ADAMTS17: variants seen among roughly 807,000 people sequenced by gnomAD.
ADAMTS17 encodes ADAM metallopeptidase with thrombospondin type 1 motif 17.
In ADAMTS17, 113 loss-of-function variants were observed where a neutral mutation model predicts 141.5. The observed-to-expected ratio is 0.80, with a 90% confidence interval of 0.69 to 0.93. The LOEUF (loss-of-function observed/expected upper bound fraction) is 0.93, where lower values mean the gene tolerates loss of function less well. ADAMTS17 is among the 40% of genes least tolerant of loss of function. ADAMTS17 has a pLI of 0.00. For missense variants in ADAMTS17, 1,659 were observed against 1,517.9 expected (o/e 1.09, Z -1.54); for synonymous variants, 768 against 630.6 (o/e 1.22, Z -3.27).
chr15:100,070,562 C>G (rs1440823446), intron 15 of ADAMTS17, among the ~76,000 whole-genome samples: 1 of 150,098 alleles, frequency 6.7e-6, no homozygotes, highest in African/African-American at 2.5e-5. Flanking sequence ...ACGGTGCAAT[C>G]AAACTAGAAC....
In ADAMTS17 at chr15:100,051,771, A is replaced by G. The variant is rs143306660; in HGVS notation, c.2296-40T>C. 2,038 of 1,613,758 alleles carry G rather than the reference A, an allele frequency of 1.3e-3. 26 individuals are homozygous for G. In the African/African-American group the frequency reaches 0.023, roughly 18 times the overall value. On this transcript the variant is annotated intron_variant, in intron 16 of 21. Coordinates refer to ENST00000268070, the MANE Select transcript of ADAMTS17 (RefSeq NM_139057.4). ...AAACAAAAGGCCATTTTGAAAAGGAAGGAAGGCCCGTGGGAATGCCGAATC... is the reference window on the plus strand; with the variant it reads ...AAACAAAAGGCCATTTTGAAAAGGAGGGAAGGCCCGTGGGAATGCCGAATC...
intron 18 of ADAMTS17, among the ~76,000 whole-genome samples, chr15:100,005,747 C>T (rs1019386025): frequency 3.9e-5 from 6 of 152,276 alleles, no homozygotes; most frequent in Admixed American, 2.0e-4. Context: ...CTAGGATTGT[C>T]GATAAAAGTA....
At chr15:100,238,827 G>GT (rs948662027) in intron 7 of ADAMTS17, among the ~76,000 whole-genome samples, 45 of 152,326 alleles carry the variant, frequency 3.0e-4, no homozygotes, top group African/African-American at 1.1e-3. Context: ...GCTCACACCT[G>GT]TAATTCCAGC....
intron 10 of ADAMTS17, among the ~76,000 whole-genome samples, chr15:100,148,472 G>A (rs533099495): frequency 6.6e-6 from 1 of 150,814 alleles, no homozygotes; most frequent in East Asian, 1.9e-4. Context: ...CATTTCACAT[G>A]TAATTTTGAA....
chr15:100,137,238 G>A (rs566873149), intron 10 of ADAMTS17, among the ~76,000 whole-genome samples: 2 of 152,288 alleles, frequency 1.3e-5, no homozygotes, highest in African/African-American at 2.4e-5. Context: ...TCATGGGACG[G>A]AAACCCAGAC....
chr15:100,266,232 T>G (rs1240366596), intron 4 of ADAMTS17, among the ~76,000 whole-genome samples: 2 of 152,184 alleles, frequency 1.3e-5, no homozygotes, highest in Admixed American at 1.3e-4. Flanking sequence ...CGTCTGCAAT[T>G]TGTTCTTTAA....
At chr15:100,018,188 T>TATC (rs932516725) in intron 18 of ADAMTS17, among the ~76,000 whole-genome samples, 12 of 152,112 alleles carry the variant, frequency 7.9e-5, no homozygotes, top group African/African-American at 2.9e-4. Flanking sequence ...GTGACGGGTT[T>TATC]TCACTTAGCG....
intron 15 of ADAMTS17, among the ~76,000 whole-genome samples, chr15:100,058,933 G>A (rs2032883949): frequency 6.6e-6 from 1 of 152,220 alleles, no homozygotes; most frequent in South Asian, 2.1e-4. Flanking sequence ...GGACAACAGA[G>A]TGCTAGCGGC....
chr15:100,281,543 A>G (rs1596441585), intron 3 of ADAMTS17, 142 bp from the exon 4 acceptor site: 1 of 1,116,272 alleles, frequency 9.0e-7, no homozygotes, highest in East Asian at 2.6e-5. Flanking sequence ...AGCAATCTCC[A>G]CCGTCATGTG....
intron 15 of ADAMTS17, among the ~76,000 whole-genome samples, chr15:100,068,173 A>T (rs940128886): frequency 6.6e-6 from 1 of 152,090 alleles, no homozygotes; most frequent in African/African-American, 2.4e-5. Flanking sequence ...GCAGTCTGAG[A>T]TCAAACTGCA....
In ADAMTS17 at chr15:100,052,522, C is replaced by T. The variant is rs557999143; in HGVS notation, c.2296-791G>A. Among the ~76,000 whole-genome samples the T allele has an allele frequency of 1.7e-3, 256 of 152,352 alleles. 1 individual carries two copies. Among genetic ancestry groups the T allele is most frequent in the African/African-American group, 5.8e-3 (243 of 41,574 alleles). ...AGGCTGGGGACTTCACTTTAACGGGCTAACCACTTGCTCAGTTTACAAAGG... is the reference window on the plus strand; with the variant it reads ...AGGCTGGGGACTTCACTTTAACGGGTTAACCACTTGCTCAGTTTACAAAGG... On this transcript the variant is annotated intron_variant, in intron 16 of 21. Coordinates refer to ENST00000268070, the MANE Select transcript of ADAMTS17 (RefSeq NM_139057.4).
At chr15:100,214,734 G>A (rs1356737696) in intron 7 of ADAMTS17, among the ~76,000 whole-genome samples, 1 of 152,170 alleles carries the variant, frequency 6.6e-6, no homozygotes, top group Non-Finnish European at 1.5e-5. Flanking sequence ...CACCATCCAC[G>A]CAGGAGGCTG....
intron 8 of ADAMTS17, among the ~76,000 whole-genome samples, chr15:100,164,162 G>C (rs866593960): frequency 4.6e-5 from 7 of 152,306 alleles, no homozygotes; most frequent in Middle Eastern, 3.4e-3. Context: ...TGCATACACA[G>C]TGGCCAGCTC....
rs139492343 is a variant in ADAMTS17, at chr15:100,178,738, A to G, written c.1181+20580T>C. On this transcript the variant is annotated intron_variant, in intron 8 of 21. Coordinates refer to ENST00000268070, the MANE Select transcript of ADAMTS17 (RefSeq NM_139057.4). ...TCAGCCATTCTTTAAGGGTCCGTTT[A>G]CTAGCAACAAATTCTATTAGATTTC... 3.8e-3 allele frequency among the ~76,000 whole-genome samples: 583 copies of G among 152,280 alleles called. 3 individuals carry two copies. Among genetic ancestry groups the G allele is most frequent in the African/African-American group, 0.014 (568 of 41,560 alleles).
intron 3 of ADAMTS17, among the ~76,000 whole-genome samples, chr15:100,312,327 G>A (rs1190391495): frequency 6.6e-6 from 1 of 152,150 alleles, no homozygotes; most frequent in African/African-American, 2.4e-5. Flanking sequence ...TTGAAGGAGG[G>A]GGAAGAGGCC....
At chr15:100,246,442 C>T (rs1342250422) in intron 7 of ADAMTS17, among the ~76,000 whole-genome samples, 1 of 152,142 alleles carries the variant, frequency 6.6e-6, no homozygotes, top group Non-Finnish European at 1.5e-5. Flanking sequence ...AAGCAAAGAA[C>T]ATGGTCAAAA....
At chr15:100,104,503 A>C (rs1482637486) in intron 14 of ADAMTS17, among the ~76,000 whole-genome samples, 1 of 152,188 alleles carries the variant, frequency 6.6e-6, no homozygotes, top group African/African-American at 2.4e-5. Context: ...GAATCTACTC[A>C]AAATGCCATT....
intron 12 of ADAMTS17, among the ~76,000 whole-genome samples, chr15:100,125,560 C>G (rs1347476743): frequency 1.3e-5 from 2 of 152,194 alleles, no homozygotes; most frequent in Non-Finnish European, 2.9e-5. Context: ...TGGGATGCAG[C>G]TGGCTTTTCA....
intron 7 of ADAMTS17, among the ~76,000 whole-genome samples, chr15:100,208,805 G>A (rs2041679598): frequency 2.6e-5 from 4 of 152,030 alleles, no homozygotes; most frequent in Admixed American, 2.6e-4. Context: ...CAAGGTCACT[G>A]GACAATTTAG....
Sources: gnomAD v4.1 joint callset for allele counts (sites outside exome capture counted in the v4.1 genomes callset) on GRCh38, gnomAD v4.1.1 for gene constraint, MANE v1.5 for transcripts, NCBI Gene and HGNC (gene_info 2026-07-23, HGNC 2026-07-21) for gene names.